The following TBC1D9 variants were observed in gnomAD, a reference collection of about 807,000 sequenced individuals.
TBC1D9 encodes TBC1 domain family member 9A.
A neutral mutation model predicts 132.0 loss-of-function variants in TBC1D9; 63 were observed. That is an observed-to-expected ratio of 0.48 (90% CI 0.39 to 0.59). TBC1D9 has a LOEUF of 0.59. Ranked by LOEUF, TBC1D9 falls within the 20% of genes least tolerant of loss-of-function variation. The probability of loss-of-function intolerance (pLI) is 0.00; values close to 1 mark genes in which losing one functional copy is unlikely to be tolerated. For missense variants in TBC1D9, 1,261 were observed against 1,592.7 expected (o/e 0.79, Z 3.54); for synonymous variants, 610 against 609.9 (o/e 1.00, Z 0.00).
At chr4:140,633,596 T>C (rs878947327) in intron 16 of TBC1D9, among the ~76,000 whole-genome samples, 16 of 152,360 alleles carry the variant, frequency 1.1e-4, no homozygotes, top group Admixed American at 1.0e-3. Context: ...AGATGTTTTA[T>C]GCAATTATAT....
At position 140,621,511 on chromosome 4, in the gene TBC1D9, T is replaced by C. The variant is rs1441915082; in HGVS notation, c.*684A>G. The C allele has an allele frequency of 1.3e-5, 2 of 152,284 alleles. No individual in the cohort carries two copies. The highest frequency in any genetic ancestry group is 2.4e-5 in the African/African-American group (1 of 41,530). The allele number at this position is 152,284 out of a possible 1,614,324, so 9.4% of individuals were successfully genotyped here. A position where few individuals can be genotyped will look rare whatever the true frequency, so the allele number is the denominator to read the frequency against. Reference sequence around the variant, plus strand: ...TAAATAATCAGAACAATTTCTTAAATGCAAAATTGGTCTGGTATCTGTCTA... The same window carrying C: ...TAAATAATCAGAACAATTTCTTAAACGCAAAATTGGTCTGGTATCTGTCTA... On this transcript the variant is annotated 3_prime_UTR_variant, in exon 21 of 21. Transcript: ENST00000442267.
At chr4:140,700,521 T>C (rs375137530) in intron 2 of TBC1D9, among the ~76,000 whole-genome samples, 1 of 151,860 alleles carries the variant, frequency 6.6e-6, no homozygotes, top group African/African-American at 2.4e-5. Flanking sequence ...AAAAGCAAGA[T>C]TAAAAAAAAT....
At chr4:140,644,500 G>A (rs1020464275) in intron 13 of TBC1D9, 10 of 295,648 alleles carry the variant, frequency 3.4e-5, no homozygotes, top group African/African-American at 2.4e-4. Context: ...GCAGCCAGGC[G>A]GGGGGCTTTC....
At chr4:140,632,845 T>C (rs1736819567) in intron 16 of TBC1D9, among the ~76,000 whole-genome samples, 1 of 152,242 alleles carries the variant, frequency 6.6e-6, no homozygotes, top group Non-Finnish European at 1.5e-5. Flanking sequence ...AAATGCTGTA[T>C]AAATGTCAGT....
chr4:140,675,778 G>C (rs893510293), intron 6 of TBC1D9, among the ~76,000 whole-genome samples: 1 of 152,182 alleles, frequency 6.6e-6, no homozygotes, highest in African/African-American at 2.4e-5. Flanking sequence ...AATCAGCCGA[G>C]CAGAGCCCAA....
intron 3 of TBC1D9, among the ~76,000 whole-genome samples, chr4:140,680,486 C>T (rs1304178167): frequency 6.6e-6 from 1 of 152,108 alleles, no homozygotes; most frequent in Non-Finnish European, 1.5e-5. Flanking sequence ...ACTTGAGAAG[C>T]CATTTCACTG....
At chr4:140,646,860 C>G (rs1048933685) in intron 13 of TBC1D9, among the ~76,000 whole-genome samples, 3 of 152,178 alleles carry the variant, frequency 2.0e-5, no homozygotes, top group African/African-American at 2.4e-5. Context: ...TCAGATTCTT[C>G]TCAACAATGA....
At chr4:140,626,928 T>C (rs534483999) in intron 18 of TBC1D9, among the ~76,000 whole-genome samples, 2 of 152,360 alleles carry the variant, frequency 1.3e-5, no homozygotes, top group East Asian at 3.9e-4. Flanking sequence ...TTCTATTTCA[T>C]ATACTTTTCA....
At chr4:140,644,653 AG>A in intron 13 of TBC1D9, 2 of 413,698 alleles carry the variant, frequency 4.8e-6, no homozygotes. Context: ...TTGCAGTTCC[AG>A]GGCCTGGGCC....
intron 2 of TBC1D9, among the ~76,000 whole-genome samples, chr4:140,701,148 G>A (rs879331276): frequency 1.3e-5 from 2 of 152,214 alleles, no homozygotes; most frequent in African/African-American, 2.4e-5. Context: ...AACTAAGTGT[G>A]AGTGAAATGG....
chr4:140,625,947 C>G (rs1023258871), intron 18 of TBC1D9, among the ~76,000 whole-genome samples: 2 of 152,196 alleles, frequency 1.3e-5, no homozygotes, highest in African/African-American at 4.8e-5. Context: ...GTACCTGAAA[C>G]ATTTCCATGC....
intron 17 of TBC1D9, 123 bp downstream of exon 17, chr4:140,628,177 T>A: frequency 2.6e-6 from 2 of 756,514 alleles, no homozygotes; most frequent in East Asian, 2.6e-5. Context: ...GTTCAGTTAG[T>A]TCTTAGTGAC....
chr4:140,727,170 G>C (rs1738514795), intron 1 of TBC1D9, among the ~76,000 whole-genome samples: 1 of 152,202 alleles, frequency 6.6e-6, no homozygotes, highest in Non-Finnish European at 1.5e-5. Context: ...ACAGAGCCTA[G>C]TGTGCAAAAC....
chr4:140,742,670 G>T (rs1313095929), intron 1 of TBC1D9, among the ~76,000 whole-genome samples: 1 of 152,052 alleles, frequency 6.6e-6, no homozygotes, highest in Non-Finnish European at 1.5e-5. Context: ...CACTAGTAGA[G>T]GATGTTTTCA....
intron 1 of TBC1D9, among the ~76,000 whole-genome samples, chr4:140,714,563 C>T (rs1386060219): frequency 6.6e-6 from 1 of 152,144 alleles, no homozygotes; most frequent in Non-Finnish European, 1.5e-5. Context: ...GGTGGCCACT[C>T]TGAGAGGCAA....
chr4:140,641,321 G>A (rs1034715634), intron 13 of TBC1D9, among the ~76,000 whole-genome samples: 1 of 152,138 alleles, frequency 6.6e-6, no homozygotes, highest in East Asian at 1.9e-4. Context: ...TATTAAAACA[G>A]AGGCTTTAAA....
At chr4:140,687,156 A>C (rs1737792524) in intron 2 of TBC1D9, among the ~76,000 whole-genome samples, 1 of 151,436 alleles carries the variant, frequency 6.6e-6, no homozygotes. Context: ...ATATGTAATC[A>C]CTACTCTGTT....
chr4:140,646,736 A>T (rs1218694326), intron 13 of TBC1D9, among the ~76,000 whole-genome samples: 1 of 152,204 alleles, frequency 6.6e-6, no homozygotes, highest in African/African-American at 2.4e-5. Context: ...GACATCTCTG[A>T]ATCTTCCCAG....
chr4:140,663,336 C>T (rs182258099), intron 9 of TBC1D9, among the ~76,000 whole-genome samples: 3 of 152,246 alleles, frequency 2.0e-5, no homozygotes, highest in Non-Finnish European at 4.4e-5. Flanking sequence ...ATCAAAACTA[C>T]AATGAAATAC....
Sources: gnomAD v4.1 joint callset for allele counts (sites outside exome capture counted in the v4.1 genomes callset) on GRCh38, gnomAD v4.1.1 for gene constraint, MANE v1.5 for transcripts, NCBI Gene and HGNC (gene_info 2026-07-23, HGNC 2026-07-21) for gene names.